Variants in FBXL7 observed in about 807,000 individuals in gnomAD.
The protein encoded by FBXL7 is F-box and leucine rich repeat protein 7.
Under a neutral mutation model 38.3 loss-of-function variants are expected in FBXL7, and 12 were observed. The ratio of observed to expected loss-of-function variants is 0.31; its 90% CI spans 0.20 to 0.51. The LOEUF is 0.51. Ranked by LOEUF, FBXL7 falls within the 20% of genes least tolerant of loss-of-function variation. FBXL7 has a pLI of 0.98. For missense variants in FBXL7, 567 were observed against 676.4 expected, an observed-to-expected ratio of 0.84 and a Z score of 1.79; for synonymous variants, 297 against 300.9, an observed-to-expected ratio of 0.99 and a Z score of 0.13.
chr5:15,751,048 T>C (rs1439228127), intron 2 of FBXL7, among the ~76,000 whole-genome samples: 1 of 152,190 alleles, frequency 6.6e-6, no homozygotes. Context: ...ATTTTTTTTT[T>C]CAAAAAGACA....
chr5:15,598,519 C>T (rs1364641837), intron 1 of FBXL7, among the ~76,000 whole-genome samples: 7 of 152,118 alleles, frequency 4.6e-5, no homozygotes, highest in Admixed American at 3.3e-4. Flanking sequence ...TCTGGGTTCA[C>T]ATAACTGAGA....
chr5:15,599,981 G>T lies in FBXL7; in HGVS notation c.38-16002G>T, dbSNP rs188490127. On this transcript the variant is annotated intron_variant, in intron 1 of 3. Transcript: ENST00000504595. ...CACAGGGATTTATACTGAATGAGATGGCCAAATACACATATTCAATAAGAA... is the reference window on the plus strand; with the variant it reads ...CACAGGGATTTATACTGAATGAGATTGCCAAATACACATATTCAATAAGAA... Among the ~76,000 whole-genome samples, 638 of 152,214 alleles carry T rather than the reference G, an allele frequency of 4.2e-3. 3 individuals carry two copies. The highest frequency in any genetic ancestry group is 0.014 in the African/African-American group (591 of 41,528).
In FBXL7 at chr5:15,937,756, A is replaced by G. The variant is rs1423754655; in HGVS notation, c.*570A>G. ...TTCAGGCCTTTTTAAAAAATTCATTACAGCAAACAGCTGGGGAAGGACATG... is the reference window on the plus strand; with the variant it reads ...TTCAGGCCTTTTTAAAAAATTCATTGCAGCAAACAGCTGGGGAAGGACATG... On this transcript the variant is annotated 3_prime_UTR_variant, in exon 4 of 4. Coordinates refer to ENST00000504595, the MANE Select transcript of FBXL7 (RefSeq NM_012304.5). 1 of 152,812 alleles carries G rather than the reference A, an allele frequency of 6.5e-6. No individual in the cohort carries two copies. Among genetic ancestry groups the G allele is most frequent in the South Asian group, 2.1e-4 (1 of 4,844 alleles). 9.5% of individuals were successfully genotyped at this position (152,812 alleles called of 1,614,324 possible).
In FBXL7 at chr5:15,657,816, C is replaced by T. The variant is rs539526538; in HGVS notation, c.127+41744C>T. Among the ~76,000 whole-genome samples, 8 of 150,252 alleles carry T rather than the reference C, an allele frequency of 5.3e-5. No individual in the cohort carries two copies. In the South Asian group the frequency reaches 6.3e-4, roughly 12 times the overall value. Reference sequence around the variant, plus strand: ...TCACGGCATTGCACTCCAGCTTGGGCGACAAGAGTGAAACTTTGTCTAAAT... The same window carrying T: ...TCACGGCATTGCACTCCAGCTTGGGTGACAAGAGTGAAACTTTGTCTAAAT... On this transcript the variant is annotated intron_variant, in intron 2 of 3. Coordinates refer to ENST00000504595, the MANE Select transcript of FBXL7 (RefSeq NM_012304.5).
At chr5:15,601,352 A>G (rs1434255213) in intron 1 of FBXL7, among the ~76,000 whole-genome samples, 1 of 152,136 alleles carries the variant, frequency 6.6e-6, no homozygotes. Context: ...TTACAATGGA[A>G]ATTCTTGTGT....
At chr5:15,919,216 G>A (rs1371957703) in intron 2 of FBXL7, among the ~76,000 whole-genome samples, 1 of 152,152 alleles carries the variant, frequency 6.6e-6, no homozygotes, top group African/African-American at 2.4e-5. Context: ...TTTTGACTTT[G>A]AAAGGCCATT....
intron 2 of FBXL7, among the ~76,000 whole-genome samples, chr5:15,873,677 A>C (rs76792150): frequency 6.6e-6 from 1 of 152,334 alleles, no homozygotes; most frequent in Middle Eastern, 3.4e-3. Context: ...AGAAGTGCAT[A>C]AATTCCTGGA....
intron 1 of FBXL7, among the ~76,000 whole-genome samples, chr5:15,580,385 C>A (rs2126466202): frequency 6.6e-6 from 1 of 152,276 alleles, no homozygotes; most frequent in African/African-American, 2.4e-5. Context: ...AGTGAGGAGG[C>A]TGCCTGGATC....
intron 2 of FBXL7, among the ~76,000 whole-genome samples, chr5:15,904,148 A>G (rs1741299552): frequency 6.6e-6 from 1 of 152,160 alleles, no homozygotes; most frequent in South Asian, 2.1e-4. Context: ...TACTGCAAGC[A>G]TCATTTTTCT....
intron 1 of FBXL7, among the ~76,000 whole-genome samples, chr5:15,591,138 G>A (rs913190348): frequency 2.6e-5 from 4 of 151,760 alleles, no homozygotes; most frequent in African/African-American, 9.7e-5. Context: ...CATTAAGAGT[G>A]GAGAATTTAG....
At chr5:15,617,099 T>C (rs1561053682) in intron 2 of FBXL7, among the ~76,000 whole-genome samples, 1 of 152,262 alleles carries the variant, frequency 6.6e-6, no homozygotes, top group Non-Finnish European at 1.5e-5. Context: ...TGTAATTGTA[T>C]GTGGTTTACA....
intron 2 of FBXL7, among the ~76,000 whole-genome samples, chr5:15,830,380 A>C (rs1418986066): frequency 6.6e-6 from 1 of 151,926 alleles, no homozygotes; most frequent in East Asian, 1.9e-4. Context: ...GCTACTCAGG[A>C]GGCCAAGGCT....
intron 1 of FBXL7, among the ~76,000 whole-genome samples, chr5:15,527,424 T>A (rs142789046): frequency 6.6e-6 from 1 of 152,178 alleles, no homozygotes; most frequent in African/African-American, 2.4e-5. Flanking sequence ...TACCAGAAAT[T>A]AACGTTTTCA....
chr5:15,722,971 TCA>T (rs989024470), intron 2 of FBXL7, among the ~76,000 whole-genome samples: 2 of 147,360 alleles, frequency 1.4e-5, no homozygotes, highest in Admixed American at 6.8e-5. Context: ...TGGAAAAAAA[TCA>T]CAGTTAGTTC....
chr5:15,557,310 T>A (rs1738275365), intron 1 of FBXL7, among the ~76,000 whole-genome samples: 1 of 152,220 alleles, frequency 6.6e-6, no homozygotes, highest in South Asian at 2.1e-4. Flanking sequence ...TTTATTGGCC[T>A]TGCTGCTAAG....
intron 1 of FBXL7, among the ~76,000 whole-genome samples, chr5:15,537,480 A>G (rs1737618494): frequency 6.6e-6 from 1 of 152,226 alleles, no homozygotes. Flanking sequence ...GTGTTATTGA[A>G]GATTAAAAGA....
At chr5:15,586,585 T>C (rs1739314144) in intron 1 of FBXL7, among the ~76,000 whole-genome samples, 1 of 152,100 alleles carries the variant, frequency 6.6e-6, no homozygotes, top group Non-Finnish European at 1.5e-5. Flanking sequence ...GAACCAGATC[T>C]CTAGCTCATG....
At chr5:15,894,784 A>C (rs2126394796) in intron 2 of FBXL7, among the ~76,000 whole-genome samples, 1 of 152,332 alleles carries the variant, frequency 6.6e-6, no homozygotes, top group Middle Eastern at 3.4e-3. Flanking sequence ...AAATATCTGG[A>C]GTTGGCCCAA....
intron 1 of FBXL7, among the ~76,000 whole-genome samples, chr5:15,529,525 A>G (rs1737358345): frequency 1.3e-5 from 2 of 151,870 alleles, no homozygotes; most frequent in African/African-American, 4.8e-5. Context: ...AGCTGGGACT[A>G]CAGGTGCCCG....
Sources: allele counts gnomAD v4.1 joint callset (sites outside exome capture counted in the v4.1 genomes callset), GRCh38; gene constraint gnomAD v4.1.1; transcripts MANE v1.5; gene names NCBI Gene and HGNC (gene_info 2026-07-23, HGNC 2026-07-21).